Variants in MCF2L2 observed in about 807,000 individuals in gnomAD.
MCF2L2 encodes the protein probable guanine nucleotide exchange factor MCF2L2.
A neutral mutation model predicts 150.2 loss-of-function variants in MCF2L2; 102 were observed. The ratio of observed to expected loss-of-function variants is 0.68; its 90% CI spans 0.58 to 0.80. MCF2L2 has a LOEUF of 0.80. Ranked by LOEUF, MCF2L2 falls within the 30% of genes least tolerant of loss-of-function variation. The pLI is 0.00. For missense variants in MCF2L2, 1,256 were observed against 1,372.8 expected, an observed-to-expected ratio of 0.91 and a Z score of 1.34; for synonymous variants, 465 against 491.3, an observed-to-expected ratio of 0.95 and a Z score of 0.71.
intron 1 of MCF2L2, among the ~76,000 whole-genome samples, chr3:183,403,810 A>T (rs1714898475): frequency 6.6e-6 from 1 of 152,232 alleles, no homozygotes; most frequent in African/African-American, 2.4e-5. Flanking sequence ...ATAGTATGGG[A>T]AAGGAAAGGG....
At chr3:183,293,462 T>A (rs1372169161) in intron 13 of MCF2L2, among the ~76,000 whole-genome samples, 1 of 152,138 alleles carries the variant, frequency 6.6e-6, no homozygotes, top group Non-Finnish European at 1.5e-5. Context: ...TATTAACAAA[T>A]AAAGAAGAAA....
chr3:183,402,239 C>T (rs35935058), intron 1 of MCF2L2, among the ~76,000 whole-genome samples: 52,048 of 150,416 alleles, frequency 0.35, 9,098 homozygotes, highest in Middle Eastern at 0.41. Flanking sequence ...GTCAGGAGAT[C>T]AAGACCATCC....
intron 15 of MCF2L2, among the ~76,000 whole-genome samples, chr3:183,257,316 C>T (rs1279796981): frequency 6.6e-6 from 1 of 152,154 alleles, no homozygotes; most frequent in Non-Finnish European, 1.5e-5. Context: ...TACTCTCTTT[C>T]ACCACCATCA....
chr3:183,292,570 C>T (rs1045643270), intron 13 of MCF2L2, among the ~76,000 whole-genome samples: 3 of 151,932 alleles, frequency 2.0e-5, no homozygotes, highest in East Asian at 1.9e-4. Flanking sequence ...CACACACACA[C>T]ACACACACAC....
chr3:183,239,513 T>C (rs1389882307), intron 15 of MCF2L2, among the ~76,000 whole-genome samples: 3 of 151,992 alleles, frequency 2.0e-5, no homozygotes, highest in Non-Finnish European at 4.4e-5. Context: ...AAGGATTTCC[T>C]GATAAGTTTC....
At chr3:183,301,643 A>C (rs1327151406) in intron 10 of MCF2L2, among the ~76,000 whole-genome samples, 7 of 152,108 alleles carry the variant, frequency 4.6e-5, no homozygotes, top group African/African-American at 1.7e-4. Flanking sequence ...AAAACAAAAA[A>C]AATTAGCCAG....
chr3:183,322,193 G>GA (rs1360522628), intron 6 of MCF2L2, among the ~76,000 whole-genome samples: 3 of 152,198 alleles, frequency 2.0e-5, no homozygotes, highest in African/African-American at 7.2e-5. Context: ...CAATATTACT[G>GA]AAACTCCTAA....
intron 22 of MCF2L2, among the ~76,000 whole-genome samples, chr3:183,213,966 G>A (rs1211030899): frequency 1.3e-5 from 2 of 152,210 alleles, no homozygotes; most frequent in African/African-American, 4.8e-5. Flanking sequence ...GTCAAAAAAG[G>A]TCCTTTGCTT....
At chr3:183,224,715 G>A (rs1275177112) in intron 18 of MCF2L2, 1 of 152,550 alleles carries the variant, frequency 6.6e-6, no homozygotes, top group Non-Finnish European at 1.5e-5. Context: ...AACCAATACG[G>A]AGCTCAGTCA....
At chr3:183,310,863 C>T in intron 9 of MCF2L2, 52 bp downstream of exon 9, 1 of 1,261,412 alleles carries the variant, frequency 7.9e-7, no homozygotes, top group African/African-American at 1.5e-5. Context: ...GGAGAGAAAA[C>T]CAGAGGTCCC....
At chr3:183,307,084 C>T (rs1317269942) in intron 10 of MCF2L2, among the ~76,000 whole-genome samples, 1 of 152,216 alleles carries the variant, frequency 6.6e-6, no homozygotes, top group Non-Finnish European at 1.5e-5. Context: ...CAGCATGCGA[C>T]AGGAGCCTGG....
At chr3:183,280,298 C>T (rs1332950533) in intron 14 of MCF2L2, among the ~76,000 whole-genome samples, 4 of 152,012 alleles carry the variant, frequency 2.6e-5, no homozygotes, top group Admixed American at 2.0e-4. Context: ...GAAAAAAACG[C>T]CTAGAGGAAT....
intron 14 of MCF2L2, among the ~76,000 whole-genome samples, chr3:183,288,536 C>T (rs1727926953): frequency 1.4e-5 from 2 of 147,780 alleles, no homozygotes; most frequent in African/African-American, 5.0e-5. Flanking sequence ...GGCTGGAGTA[C>T]AGTGGCACAG....
intron 16 of MCF2L2, among the ~76,000 whole-genome samples, chr3:183,230,286 G>T (rs1055869083): frequency 4.6e-5 from 7 of 151,998 alleles, no homozygotes; most frequent in African/African-American, 1.7e-4. Context: ...GCTAATTTTC[G>T]TATTTTTAGT....
chr3:183,230,276 G>T (rs1163012168), intron 16 of MCF2L2, among the ~76,000 whole-genome samples: 3 of 152,020 alleles, frequency 2.0e-5, no homozygotes, highest in Admixed American at 6.6e-5. Context: ...ACCACACCTG[G>T]CTAATTTTCG....
chr3:183,281,019 T>A (rs1196516393), intron 14 of MCF2L2, among the ~76,000 whole-genome samples: 1 of 152,174 alleles, frequency 6.6e-6, no homozygotes, highest in Middle Eastern at 3.2e-3. Context: ...TGCCACCTTC[T>A]TTGTTTAAAG....
chr3:183,199,124 T>C (rs1028178735), intron 25 of MCF2L2, among the ~76,000 whole-genome samples: 5 of 152,222 alleles, frequency 3.3e-5, no homozygotes, highest in African/African-American at 1.2e-4. Flanking sequence ...GTTACACTGC[T>C]TGGTTTACCT....
intron 15 of MCF2L2, among the ~76,000 whole-genome samples, chr3:183,269,229 G>GTTTTTTTTTTTTTTTTTTTTT (rs1305607255): frequency 2.6e-5 from 2 of 77,022 alleles, no homozygotes; most frequent in African/African-American, 1.1e-4. Flanking sequence ...CGTTTGGGAA[G>GTTTTTTTTTTTTTTTTTTTTT]CTTTTTTTTT....
intron 1 of MCF2L2, among the ~76,000 whole-genome samples, chr3:183,396,904 A>G (rs1286688907): frequency 1.3e-5 from 2 of 152,212 alleles, no homozygotes; most frequent in Non-Finnish European, 2.9e-5. Flanking sequence ...AGAAATAGCT[A>G]CAGCCCCCAG....
Sources: allele counts gnomAD v4.1 joint callset (sites outside exome capture counted in the v4.1 genomes callset), GRCh38; gene constraint gnomAD v4.1.1; transcripts MANE v1.5; gene names NCBI Gene and HGNC (gene_info 2026-07-23, HGNC 2026-07-21).